Variants in CNOT8 observed in about 807,000 individuals in gnomAD.
The protein encoded by CNOT8 is CCR4-NOT transcription complex subunit 8.
A neutral mutation model predicts 34.6 loss-of-function variants in CNOT8; 18 were observed. The observed-to-expected ratio is 0.52, with a 90% confidence interval of 0.36 to 0.77. The LOEUF (loss-of-function observed/expected upper bound fraction) is 0.77. Among genes scored for constraint, CNOT8 ranks in the 30% least tolerant of loss-of-function variants. The pLI, the probability that CNOT8 is intolerant of heterozygous loss-of-function variation, is 0.00. For synonymous variants in CNOT8, 101 were observed against 118.8 expected, an observed-to-expected ratio of 0.85 and a Z score of 0.98; for missense variants, 189 against 347.9, an observed-to-expected ratio of 0.54 and a Z score of 3.63.
chr5:154,860,016 C>T (rs974347071), intron 1 of CNOT8: 1 of 152,170 alleles, frequency 6.6e-6, no homozygotes, highest in African/African-American at 2.4e-5. Context: ...AGGTGCAACG[C>T]TTGAGATTAG....
rs1369387393 is a variant in CNOT8, at chr5:154,876,421, A to AGAG, written c.*983_*985dup. The AGAG allele has an allele frequency of 6.6e-6, 1 of 152,238 alleles. No individual in the cohort carries two copies. Among genetic ancestry groups the AGAG allele is most frequent in the East Asian group, 1.9e-4 (1 of 5,204 alleles). 9.4% of individuals were successfully genotyped at this position (152,238 alleles called of 1,614,324 possible). A position where few individuals can be genotyped will look rare whatever the true frequency, so the allele number is the denominator to read the frequency against. Reference sequence around the variant, plus strand: ...AACAGGAATGTGTCTTTAAAAAGCTAGAGTGGTTACATTTAATCAGGCAGT... The same window carrying AGAG: ...AACAGGAATGTGTCTTTAAAAAGCTAGAGGAGTGGTTACATTTAATCAGGCAGT... On this transcript the variant is annotated 3_prime_UTR_variant, in exon 7 of 7. Coordinates refer to ENST00000285896, the MANE Select transcript of CNOT8 (RefSeq NM_001301073.2).
intron 2 of CNOT8, among the ~76,000 whole-genome samples, chr5:154,864,820 G>A (rs1381020898): frequency 6.6e-6 from 1 of 152,128 alleles, no homozygotes; most frequent in Non-Finnish European, 1.5e-5. Flanking sequence ...TTGGGAGGCC[G>A]AGGCAGGTGG....
At chr5:154,869,391 TTACA>T (rs1762235747) in intron 3 of CNOT8, among the ~76,000 whole-genome samples, 1 of 151,448 alleles carries the variant, frequency 6.6e-6, no homozygotes, top group African/African-American at 2.4e-5. Context: ...AGTGCTGGGA[TTACA>T]GGCGTGAGCC....
intron 3 of CNOT8, 111 bp from the exon 4 acceptor site, chr5:154,870,550 G>A (rs1201608494): frequency 2.6e-6 from 2 of 783,880 alleles, no homozygotes; most frequent in South Asian, 1.9e-5. Flanking sequence ...ATTAAGTTAG[G>A]AAAAGCATTT....
At chr5:154,869,289 T>C (rs1426299622) in intron 3 of CNOT8, among the ~76,000 whole-genome samples, 2 of 151,708 alleles carry the variant, frequency 1.3e-5, no homozygotes, top group African/African-American at 4.8e-5. Context: ...CCTGCTAATT[T>C]TGTATTTTTA....
At chr5:154,874,550 TTCG>T (rs1762769711) in intron 6 of CNOT8, among the ~76,000 whole-genome samples, 1 of 152,096 alleles carries the variant, frequency 6.6e-6, no homozygotes, top group African/African-American at 2.4e-5. Context: ...TTCTTTTTCT[TTCG>T]AGACGGAGTC....
intron 2 of CNOT8, among the ~76,000 whole-genome samples, chr5:154,864,372 T>C (rs904323123): frequency 3.3e-5 from 5 of 151,484 alleles, no homozygotes; most frequent in African/African-American, 1.2e-4. Context: ...AGGCAGAGAA[T>C]GCGTGAACCC....
chr5:154,859,249 A>G (rs1237000162), intron 1 of CNOT8: 2 of 152,248 alleles, frequency 1.3e-5, no homozygotes, highest in African/African-American at 4.8e-5. Context: ...AAGGATGATG[A>G]TAAACGAGAA....
chr5:154,865,434 G>A, intron 3 of CNOT8, 49 bp downstream of exon 3: 1 of 1,382,258 alleles, frequency 7.2e-7, no homozygotes, highest in Non-Finnish European at 9.8e-7. Context: ...TGTTTTCACT[G>A]AATCCAGGTG....
At position 154,875,383 on chromosome 5, in the gene CNOT8, G is replaced by A. The variant is rs1014757637; in HGVS notation, c.823G>A (p.Asp275Asn). Residue 275 changes from aspartate to asparagine, a missense_variant, in exon 7 of 7, where the codon GAC becomes AAC. Physicochemically the swap from Asp to Asn is conservative, Grantham distance 23 (BLOSUM62 1). Transcript: ENST00000285896. ...GVAQKQNEDV[D>N]SAQEKMSILA... ...GGCCCAGAAGCAGAATGAGGATGTG[G>A]ACTCTGCCCAGGAGAAGATGAGCAT... is the stretch of plus-strand genomic sequence containing the variant. The A allele has an allele frequency of 5.0e-6, 8 of 1,614,104 alleles. No individual in the cohort carries two copies. Among genetic ancestry groups the A allele is most frequent in the Non-Finnish European group, 5.9e-6 (7 of 1,180,028 alleles).
chr5:154,865,189 C>G lies in CNOT8; in HGVS notation c.118-3C>G. 6.4e-7 allele frequency: 1 copy of G among 1,555,038 alleles called. No individual in the cohort carries two copies. Among genetic ancestry groups the G allele is most frequent in the South Asian group, 1.2e-5 (1 of 82,070 alleles). On this transcript the variant is annotated splice_polypyrimidine_tract_variant and splice_region_variant and intron_variant, in intron 2 of 6. Coordinates refer to ENST00000285896, the MANE Select transcript of CNOT8 (RefSeq NM_001301073.2). ...TGTGATGAGAGACTTTTTCCTTTTC[C>G]AGGACACAGAATTTCCAGGTGTTGT...
chr5:154,874,860 TTC>T (rs1762803289), intron 6 of CNOT8, among the ~76,000 whole-genome samples: 1 of 151,904 alleles, frequency 6.6e-6, no homozygotes, highest in East Asian at 2.0e-4. Flanking sequence ...TAGTTTTTTT[TTC>T]TAGTTTGGTA....
At position 154,864,093 on chromosome 5, in the gene CNOT8, T is replaced by G. The variant is rs371839437; in HGVS notation, c.117+698T>G. Among the ~76,000 whole-genome samples the G allele has an allele frequency of 4.6e-5, 7 of 152,298 alleles. No individual in the cohort carries two copies. In the South Asian group the frequency reaches 1.5e-3, roughly 32 times the overall value. ...TCTGTTTTACTCCAGTCCCGATTAC[T>G]TGTACTATTTTCATACCTAGCTGAC... On this transcript the variant is annotated intron_variant, in intron 2 of 6. Coordinates refer to ENST00000285896, the MANE Select transcript of CNOT8 (RefSeq NM_001301073.2).
rs1476088233 is a variant in CNOT8, at chr5:154,876,627, AACTC to A, written c.*1194_*1197del. On this transcript the variant is annotated 3_prime_UTR_variant, in exon 7 of 7. Coordinates refer to ENST00000285896, the MANE Select transcript of CNOT8 (RefSeq NM_001301073.2). ...TGGATTGGTGGAAGTAAAAACTGGT[AACTC>A]ACTCAAGTGAATGAATGGTCTTGCA... The A allele has an allele frequency of 7.2e-5, 11 of 152,816 alleles. No homozygotes were observed. The highest frequency in any genetic ancestry group is 6.5e-4 in the Admixed American group (10 of 15,312). 9.5% of individuals were successfully genotyped at this position (152,816 alleles called of 1,614,324 possible).
intron 6 of CNOT8, among the ~76,000 whole-genome samples, chr5:154,873,246 A>T (rs1205515772): frequency 1.3e-5 from 2 of 152,174 alleles, no homozygotes; most frequent in African/African-American, 2.4e-5. Flanking sequence ...CCACTTTGAA[A>T]GTGGTTGTTT....
chr5:154,869,629 T>G (rs1168197487), intron 3 of CNOT8, among the ~76,000 whole-genome samples: 1 of 146,258 alleles, frequency 6.8e-6, no homozygotes, highest in Non-Finnish European at 1.5e-5. Flanking sequence ...TTTTTGTGTT[T>G]TTTTTTTTTT....
At chr5:154,868,833 G>C (rs1263760421) in intron 3 of CNOT8, among the ~76,000 whole-genome samples, 1 of 152,192 alleles carries the variant, frequency 6.6e-6, no homozygotes, top group Non-Finnish European at 1.5e-5. Context: ...TTCCAGGGCT[G>C]TGGCTTCCTT....
chr5:154,858,328 G>A (rs1393143879), upstream of CNOT8: 5 of 152,202 alleles, frequency 3.3e-5, no homozygotes, highest in African/African-American at 1.2e-4. Context: ...GGCCGCAGGC[G>A]GGCCGTCTTC....
chr5:154,867,410 C>T (rs1237287845), intron 3 of CNOT8, among the ~76,000 whole-genome samples: 1 of 152,026 alleles, frequency 6.6e-6, no homozygotes, highest in Admixed American at 6.6e-5. Flanking sequence ...TTTAGATAAT[C>T]ATCTGTATAC....
Sources: allele counts gnomAD v4.1 joint callset (sites outside exome capture counted in the v4.1 genomes callset), GRCh38; gene constraint gnomAD v4.1.1; transcripts MANE v1.5; gene names NCBI Gene and HGNC (gene_info 2026-07-23, HGNC 2026-07-21).